SFXN2: variants seen among roughly 807,000 people sequenced by gnomAD.
SFXN2 encodes the protein sideroflexin-2.
Under a neutral mutation model 41.9 loss-of-function variants are expected in SFXN2, and 37 were observed. The observed-to-expected ratio is 0.88, with a 90% CI of 0.68 to 1.16. The LOEUF (loss-of-function observed/expected upper bound fraction) is 1.16, where lower values mean the gene tolerates loss of function less well. Among genes scored for constraint, SFXN2 ranks in the 50% most tolerant of loss-of-function variants. SFXN2 has a pLI of 0.00. For synonymous variants in SFXN2, 150 were observed against 156.7 expected, an observed-to-expected ratio of 0.96 and a Z score of 0.32; for missense variants, 386 against 425.2, an observed-to-expected ratio of 0.91 and a Z score of 0.81.
Position 102,732,194 on chromosome 10 carries a change from A to G in SFXN2, c.697A>G (p.Ile233Val). ...IGITQVVISR[I>V]TMSAPGMILL... ...CATCACCCAAGTAGTTATTTCTCGG[A>G]TCACCATGTCAGCTCCTGGGATGAG... Residue 233 changes from isoleucine (I) to valine (V), a missense_variant, in exon 8 of 12, where the codon ATC becomes GTC. Coordinates refer to ENST00000369893, the MANE Select transcript of SFXN2 (RefSeq NM_178858.6). The G allele has an allele frequency of 6.2e-7, 1 of 1,614,062 alleles. No individual in the cohort carries two copies. The highest frequency in any genetic ancestry group is 2.2e-5 in the East Asian group (1 of 44,870).
chr10:102,729,702 A>G (rs1456785832), intron 5 of SFXN2, 21 bp from the exon 6 acceptor site: 1 of 1,612,668 alleles, frequency 6.2e-7, no homozygotes, highest in Admixed American at 1.7e-5. Context: ...AACAACTCCT[A>G]CTGTTCTCTT....
At position 102,737,806 on chromosome 10, in the gene SFXN2, G is replaced by A; in HGVS notation, c.*44G>A. The A allele has an allele frequency of 7.3e-7, 1 of 1,377,156 alleles. No homozygotes were observed. Among genetic ancestry groups the A allele is most frequent in the Non-Finnish European group, 1.0e-6 (1 of 971,050 alleles). The allele number at this position is 1,377,156 out of a possible 1,614,324, so 85.3% of individuals were successfully genotyped here. ...GACCAGTCTATTCCCATATTCACCA[G>A]CTCCTCCTTAGCTACGTGCACACTT... On this transcript the variant is annotated 3_prime_UTR_variant, in exon 12 of 12. Coordinates refer to ENST00000369893, the MANE Select transcript of SFXN2 (RefSeq NM_178858.6).
Position 102,741,426 on chromosome 10 carries a change from G to C in SFXN2, c.*3664G>C, listed in dbSNP as rs374406273. On this transcript the variant is annotated 3_prime_UTR_variant, in exon 12 of 12. Transcript: ENST00000369893. ...TCGGCTAGAATAGCATGGGTAAAAG[G>C]TTCCATTGCTCGGGAGAGGAGGAGG... is the stretch of plus-strand genomic sequence containing the variant. The C allele has an allele frequency of 2.0e-5, 3 of 152,176 alleles. No individual in the cohort carries two copies. The highest frequency in any genetic ancestry group is 4.8e-5 in the African/African-American group (2 of 41,422). 9.4% of individuals were successfully genotyped at this position (152,176 alleles called of 1,614,324 possible).
intron 11 of SFXN2, among the ~76,000 whole-genome samples, chr10:102,737,031 G>A (rs2064790588): frequency 6.6e-6 from 1 of 152,076 alleles, no homozygotes; most frequent in African/African-American, 2.4e-5. Context: ...GTGCATGCCT[G>A]TAATCCCAGC....
In SFXN2 at chr10:102,738,578, T is replaced by A. The variant is rs898085647; in HGVS notation, c.*816T>A. 6.6e-6 allele frequency: 1 copy of A among 152,312 alleles called. No individual in the cohort carries two copies. Among genetic ancestry groups the A allele is most frequent in the East Asian group, 1.9e-4 (1 of 5,186 alleles). 9.4% of individuals were successfully genotyped at this position (152,312 alleles called of 1,614,324 possible). ...TCTGAAATTGCTGGGATTACAGGCA[T>A]GAGCCACCACACCCAGCCCGGACAG... On this transcript the variant is annotated 3_prime_UTR_variant, in exon 12 of 12. Coordinates refer to ENST00000369893, the MANE Select transcript of SFXN2 (RefSeq NM_178858.6).
intron 3 of SFXN2, 51 bp from the exon 4 acceptor site, chr10:102,728,380 C>A: frequency 6.9e-7 from 1 of 1,453,662 alleles, no homozygotes; most frequent in Non-Finnish European, 9.7e-7. Flanking sequence ...ACCCTCAGGA[C>A]TCCCTGCCAT....
At chr10:102,728,606 C>T in intron 4 of SFXN2, 77 bp downstream of exon 4, 2 of 1,278,510 alleles carry the variant, frequency 1.6e-6, no homozygotes, top group South Asian at 2.4e-5. Context: ...GCTGTCAGTC[C>T]TTCCTGGGTA....
chr10:102,735,605 T>G (rs1410389486), intron 10 of SFXN2, among the ~76,000 whole-genome samples: 1 of 152,174 alleles, frequency 6.6e-6, no homozygotes, highest in Non-Finnish European at 1.5e-5. Flanking sequence ...TTTACTTCAT[T>G]GTCTTCTTCC....
At chr10:102,715,254 G>C (rs1359528257) in intron 1 of SFXN2, 1 of 153,194 alleles carries the variant, frequency 6.5e-6, no homozygotes, top group Non-Finnish European at 1.5e-5. Flanking sequence ...CCCAGGCTGG[G>C]CTCGAACTCC....
intron 7 of SFXN2, 93 bp downstream of exon 7, chr10:102,731,876 T>C (rs2064709586): frequency 1.7e-6 from 2 of 1,162,822 alleles, no homozygotes; most frequent in African/African-American, 3.1e-5. Flanking sequence ...CAATATAGGA[T>C]TGAGAAGCCT....
intron 8 of SFXN2, among the ~76,000 whole-genome samples, chr10:102,732,496 G>T (rs979103599): frequency 1.2e-4 from 18 of 152,226 alleles, no homozygotes; most frequent in African/African-American, 4.1e-4. Context: ...GAGAGTGATA[G>T]AGAAAATAAA....
chr10:102,728,467 C>G lies in SFXN2; in HGVS notation c.369C>G (p.Asn123Lys), dbSNP rs534263134. Residue 123 changes from asparagine to lysine, a missense_variant, in exon 4 of 12, where the codon AAC becomes AAG. Coordinates refer to ENST00000369893, the MANE Select transcript of SFXN2 (RefSeq NM_178858.6). ...CGGTGATCTTCTGGCAGTGGGTGAA[C>G]CAGTCCTTCAATGCCTTAGTCAACT... ...MPAVIFWQWVNQSFNALVNYT... is the reference protein window; with the variant it reads ...MPAVIFWQWVKQSFNALVNYT... 9 of 1,614,008 alleles carry G rather than the reference C, an allele frequency of 5.6e-6. No individual in the cohort carries two copies. Among genetic ancestry groups the G allele is most frequent in the Non-Finnish European group, 7.6e-6 (9 of 1,179,954 alleles).
Position 102,743,490 on chromosome 10 carries a change from C to A in SFXN2, c.*5728C>A, listed in dbSNP as rs1842819293. ...AAGACATTAAAATATTTTTACATTG[C>A]AATTGTTTTCCTCTTCAGGAGCGCC... On this transcript the variant is annotated 3_prime_UTR_variant, in exon 12 of 12. Coordinates refer to ENST00000369893, the MANE Select transcript of SFXN2 (RefSeq NM_178858.6). 1 of 152,454 alleles carries A rather than the reference C, an allele frequency of 6.6e-6. No individual in the cohort carries two copies. Among genetic ancestry groups the A allele is most frequent in the African/African-American group, 2.4e-5 (1 of 41,450 alleles). The allele number at this position is 152,454 out of a possible 1,614,324, so 9.4% of individuals were successfully genotyped here.
chr10:102,720,947 T>C (rs147593090), intron 1 of SFXN2, among the ~76,000 whole-genome samples: 1 of 152,318 alleles, frequency 6.6e-6, no homozygotes, highest in Non-Finnish European at 1.5e-5. Context: ...TGTTTGGCTT[T>C]AAGTTAATCA....
At chr10:102,721,378 T>A (rs2064506218) in intron 1 of SFXN2, among the ~76,000 whole-genome samples, 1 of 150,938 alleles carries the variant, frequency 6.6e-6, no homozygotes, top group Non-Finnish European at 1.5e-5. Flanking sequence ...AGACCCTGCC[T>A]AAAAAAAGAA....
intron 1 of SFXN2, chr10:102,716,468 G>A (rs1474296673): frequency 6.6e-6 from 1 of 151,156 alleles, no homozygotes; most frequent in Non-Finnish European, 1.5e-5. Context: ...ATTTGCCAGA[G>A]AAAATCTGCT....
At chr10:102,735,240 T>C (rs1365603485) in intron 10 of SFXN2, among the ~76,000 whole-genome samples, 2 of 145,682 alleles carry the variant, frequency 1.4e-5, no homozygotes, top group African/African-American at 5.2e-5. Flanking sequence ...TCCATGTTGC[T>C]CCTCCCTGTC....
chr10:102,726,110 C>T (rs531998802), intron 1 of SFXN2, among the ~76,000 whole-genome samples: 7 of 152,054 alleles, frequency 4.6e-5, no homozygotes, highest in East Asian at 3.9e-4. Flanking sequence ...GCACTGCGCC[C>T]GGCTCATTTT....
intron 4 of SFXN2, among the ~76,000 whole-genome samples, chr10:102,728,880 C>G (rs1287149921): frequency 6.6e-6 from 1 of 152,046 alleles, no homozygotes; most frequent in Non-Finnish European, 1.5e-5. Context: ...CTGAGGCAGG[C>G]AGATTGCCTA....
Sources: gnomAD v4.1 joint callset for allele counts (sites outside exome capture counted in the v4.1 genomes callset) on GRCh38, gnomAD v4.1.1 for gene constraint, MANE v1.5 for transcripts, NCBI Gene and HGNC (gene_info 2026-07-23, HGNC 2026-07-21) for gene names.